MIPOL1: variants seen among roughly 807,000 people sequenced by gnomAD.
MIPOL1 encodes the protein mirror-image polydactyly gene 1 protein.
Under a neutral mutation model 60.9 loss-of-function variants are expected in MIPOL1, and 57 were observed. That is an observed-to-expected ratio of 0.94 (90% CI 0.76 to 1.17). MIPOL1 has a LOEUF of 1.17. Ranked by LOEUF, MIPOL1 falls within the 50% of genes most tolerant of loss-of-function variation. MIPOL1 has a pLI of 0.00. For synonymous variants in MIPOL1, 179 were observed against 168.8 expected (o/e 1.06, Z -0.47); for missense variants, 551 against 511.6 (o/e 1.08, Z -0.74).
intron 9 of MIPOL1, among the ~76,000 whole-genome samples, chr14:37,309,736 GAGTGCAGT>G (rs1337552168): frequency 1.3e-5 from 2 of 151,130 alleles, no homozygotes; most frequent in African/African-American, 4.9e-5. Flanking sequence ...ACCCAGGCTG[GAGTGCAGT>G]AGTGTGATCT....
intron 10 of MIPOL1, among the ~76,000 whole-genome samples, chr14:37,413,443 T>C (rs1380036963): frequency 6.6e-6 from 1 of 152,190 alleles, no homozygotes; most frequent in Non-Finnish European, 1.5e-5. Flanking sequence ...GTTTAATCTT[T>C]CCTACACTCC....
At chr14:37,345,096 G>C (rs2090851004) in intron 9 of MIPOL1, among the ~76,000 whole-genome samples, 1 of 151,692 alleles carries the variant, frequency 6.6e-6, no homozygotes, top group Non-Finnish European at 1.5e-5. Flanking sequence ...TTGATTTTTA[G>C]TTTTTTATTT....
At chr14:37,499,624 A>T (rs2095185501) in intron 11 of MIPOL1, among the ~76,000 whole-genome samples, 1 of 152,172 alleles carries the variant, frequency 6.6e-6, no homozygotes. Flanking sequence ...TATTCCTTTT[A>T]AAGAAAATTG....
intron 7 of MIPOL1, among the ~76,000 whole-genome samples, chr14:37,303,053 G>A (rs894103150): frequency 4.0e-5 from 6 of 151,694 alleles, no homozygotes; most frequent in Non-Finnish European, 5.9e-5. Flanking sequence ...ATTTTATTAC[G>A]TAAATCAGTC....
intron 3 of MIPOL1, among the ~76,000 whole-genome samples, chr14:37,258,745 ATACT>A (rs1419568487): frequency 9.2e-5 from 14 of 152,138 alleles, no homozygotes; most frequent in Admixed American, 7.9e-4. Context: ...ATTTCACAAA[ATACT>A]TACGTACTTT....
At chr14:37,294,822 A>T in intron 7 of MIPOL1, among the ~76,000 whole-genome samples, 1 of 152,128 alleles carries the variant, frequency 6.6e-6, no homozygotes, top group East Asian at 1.9e-4. Flanking sequence ...CCAAATCTAC[A>T]TCTAATTGGT....
chr14:37,393,981 T>C (rs1642973284), intron 10 of MIPOL1, among the ~76,000 whole-genome samples: 1 of 147,866 alleles, frequency 6.8e-6, no homozygotes, highest in Admixed American at 6.9e-5. Flanking sequence ...TTACTTCACT[T>C]AGAATAATAG....
At chr14:37,468,591 A>C (rs1288609524) in intron 11 of MIPOL1, among the ~76,000 whole-genome samples, 2 of 152,222 alleles carry the variant, frequency 1.3e-5, no homozygotes, top group African/African-American at 4.8e-5. Context: ...AAAACATAAA[A>C]AATTAAGAAC....
intron 10 of MIPOL1, among the ~76,000 whole-genome samples, chr14:37,408,168 A>G (rs2153536690): frequency 6.6e-6 from 1 of 152,142 alleles, no homozygotes; most frequent in African/African-American, 2.4e-5. Context: ...CACCACACTC[A>G]ACTCTCCTAG....
At chr14:37,512,449 G>A (rs1483236223) in intron 12 of MIPOL1, among the ~76,000 whole-genome samples, 2 of 149,560 alleles carry the variant, frequency 1.3e-5, no homozygotes, top group East Asian at 1.9e-4. Context: ...CTGGGAAGAG[G>A]AACAGAGCAT....
At chr14:37,403,615 T>C (rs1163768460) in intron 10 of MIPOL1, among the ~76,000 whole-genome samples, 2 of 152,006 alleles carry the variant, frequency 1.3e-5, no homozygotes, top group African/African-American at 4.8e-5. Flanking sequence ...CATAATACTT[T>C]AGTGGCAACC....
chr14:37,340,535 C>A (rs565885816), intron 9 of MIPOL1, among the ~76,000 whole-genome samples: 2 of 151,860 alleles, frequency 1.3e-5, no homozygotes. Context: ...CATAGTGAGA[C>A]CCCTTCTCTA....
In MIPOL1 at chr14:37,501,615, A is replaced by G. The variant is rs144857092; in HGVS notation, c.1262+1477A>G. The G allele has an allele frequency of 2.0e-5, 3 of 152,276 alleles. No individual in the cohort carries two copies. The East Asian group carries it at 5.8e-4, about 29-fold the overall frequency. The allele number at this position is 152,276 out of a possible 1,614,324, so 9.4% of individuals were successfully genotyped here. Reference sequence around the variant, plus strand: ...CTCAGATAATGTTTTAAATTAAATAACTTTACTGAATGGCCAAGATAACCA... The same window carrying G: ...CTCAGATAATGTTTTAAATTAAATAGCTTTACTGAATGGCCAAGATAACCA... On this transcript the variant is annotated intron_variant, in intron 12 of 12. Coordinates refer to ENST00000684589, the MANE Select transcript of MIPOL1 (RefSeq NM_001388067.1).
chr14:37,285,357 A>T lies in MIPOL1; in HGVS notation c.533A>T (p.Asp178Val). 6.2e-7 allele frequency: 1 copy of T among 1,614,030 alleles called. No individual in the cohort carries two copies. Among genetic ancestry groups the T allele is most frequent in the Non-Finnish European group, 8.5e-7 (1 of 1,179,962 alleles). Residue 178 changes from aspartate (D) to valine (V), a missense_variant, in exon 7 of 13, where the codon GAT becomes GTT. Transcript: ENST00000684589. ...EEVYFAQKER[D>V]EAVMSRLQLA... Reference sequence around the variant, plus strand: ...GTGTATTTTGCGCAGAAGGAACGTGATGAAGCTGTTATGTCTAGACTGCAA... The same window carrying T: ...GTGTATTTTGCGCAGAAGGAACGTGTTGAAGCTGTTATGTCTAGACTGCAA...
Position 37,244,104 on chromosome 14 carries a change from C to CTTTTTTTTTTTTTT in MIPOL1, c.-198-2980_-198-2967dup, listed in dbSNP as rs143933758. ...TTTTCTTCCATGTAAGACTCACTTC[C>CTTTTTTTTTTTTTT]TTTTTTTTTTTTTTTTTTTTTTTTT... On this transcript the variant is annotated intron_variant, in intron 1 of 12. Transcript: ENST00000684589. 8.3e-4 allele frequency among the ~76,000 whole-genome samples: 43 copies of CTTTTTTTTTTTTTT among 51,608 alleles called. 18 individuals carry two copies. The highest frequency in any genetic ancestry group is 1.1e-3 in the Non-Finnish European group (33 of 29,550). 33.9% of individuals were successfully genotyped at this position (51,608 alleles called of 152,430 possible).
chr14:37,358,291 A>G (rs925716086), intron 9 of MIPOL1, among the ~76,000 whole-genome samples: 1 of 152,194 alleles, frequency 6.6e-6, no homozygotes, highest in African/African-American at 2.4e-5. Context: ...TAGTGCTGCA[A>G]TAAACATACC....
At chr14:37,436,595 A>G (rs1595769144) in intron 11 of MIPOL1, among the ~76,000 whole-genome samples, 1 of 152,336 alleles carries the variant, frequency 6.6e-6, no homozygotes, top group East Asian at 1.9e-4. Flanking sequence ...GAGATCTTTA[A>G]GCTAGTTTTG....
chr14:37,364,464 C>A (rs894398575), intron 9 of MIPOL1, among the ~76,000 whole-genome samples: 1 of 152,172 alleles, frequency 6.6e-6, no homozygotes, highest in Non-Finnish European at 1.5e-5. Context: ...GTTTTCCCAG[C>A]ACCATTTATT....
chr14:37,373,589 A>C (rs1193537190), intron 10 of MIPOL1, among the ~76,000 whole-genome samples: 1 of 151,064 alleles, frequency 6.6e-6, no homozygotes, highest in African/African-American at 2.4e-5. Flanking sequence ...CCCTGTGTCC[A>C]TATGTTCTCA....
Sources: gnomAD v4.1 joint callset for allele counts (sites outside exome capture counted in the v4.1 genomes callset) on GRCh38, gnomAD v4.1.1 for gene constraint, MANE v1.5 for transcripts, NCBI Gene and HGNC (gene_info 2026-07-23, HGNC 2026-07-21) for gene names.